The following ZNF474 variants were observed in gnomAD, a reference collection of about 807,000 sequenced individuals.
The protein encoded by ZNF474 is zinc finger protein 474.
For synonymous variants in ZNF474, 192 were observed against 162.2 expected (o/e 1.18, Z -1.39); for missense variants, 511 against 433.8 (o/e 1.18, Z -1.58).
In ZNF474 at chr5:122,152,736, T is replaced by C. The variant is rs114911542; in HGVS notation, c.746T>C (p.Met249Thr). The change falls in exon 2 of 2, where the codon ATG becomes ACG. Residue 249 changes from methionine (M) to threonine (T), a missense_variant. By Grantham distance (81) the Met-to-Thr change is moderately conservative. Coordinates refer to ENST00000296600, the MANE Select transcript of ZNF474 (RefSeq NM_207317.3). Reference protein sequence around the residue: ...HEPKCLEKWKMENDRLPVELH... With the variant: ...HEPKCLEKWKTENDRLPVELH... ...CCCAAATGCCTGGAAAAGTGGAAAA[T>C]GGAAAATGACCGGCTCCCTGTGGAG... 434 of 1,613,876 alleles carry C rather than the reference T, an allele frequency of 2.7e-4. 1 individual carries two copies. The African/African-American group carries it at 4.9e-3, about 18-fold the overall frequency.
In ZNF474 at chr5:122,153,447, A is replaced by C. The variant is rs567881534; in HGVS notation, c.*362A>C. ...TATTGTCGGTTTATTTTAGTCATCT[A>C]CCTTAGGAATTCATTTTTGGCAATG... On this transcript the variant is annotated 3_prime_UTR_variant, in exon 2 of 2. Transcript: ENST00000296600. 3 of 210,414 alleles carry C rather than the reference A, an allele frequency of 1.4e-5. No individual in the cohort carries two copies. The highest frequency in any genetic ancestry group is 1.1e-4 in the Admixed American group (2 of 18,430). The allele number at this position is 210,414 out of a possible 1,614,324, so 13.0% of individuals were successfully genotyped here. A position where few individuals can be genotyped will look rare whatever the true frequency, so the allele number is the denominator to read the frequency against.
intron 1 of ZNF474, among the ~76,000 whole-genome samples, chr5:122,150,326 C>T (rs1241006592): frequency 6.6e-6 from 1 of 152,162 alleles, no homozygotes; most frequent in Non-Finnish European, 1.5e-5. Flanking sequence ...TAGAATCTGT[C>T]AAAATGAAGA....
Position 122,152,283 on chromosome 5 carries a change from A to G in ZNF474, c.293A>G (p.Tyr98Cys), listed in dbSNP as rs760104498. The G allele has an allele frequency of 3.7e-6, 6 of 1,614,072 alleles. No homozygotes were observed. In the South Asian group the frequency reaches 4.4e-5, roughly 12 times the overall value. The change falls in exon 2 of 2, where the codon TAT (tyrosine) becomes TGT (cysteine). Residue 98 changes from tyrosine (Y) to cysteine (C), a missense_variant. Physicochemically the swap from Tyr to Cys is radical, Grantham distance 194. Coordinates refer to ENST00000296600, the MANE Select transcript of ZNF474 (RefSeq NM_207317.3). ...CGCAGGCCTGGATTCCGGGTATGCT[A>G]TATCTGTGGCCGAGAATTTGGGTCC... ...PARRPGFRVC[Y>C]ICGREFGSQS...
chr5:122,150,629 T>C (rs140237185), intron 1 of ZNF474, among the ~76,000 whole-genome samples: 2 of 152,252 alleles, frequency 1.3e-5, no homozygotes, highest in African/African-American at 4.8e-5. Flanking sequence ...ATAAAGGAAA[T>C]GAAAAAGGTC....
chr5:122,137,418 G>T (rs1384971125), intron 1 of ZNF474, among the ~76,000 whole-genome samples: 6 of 117,010 alleles, frequency 5.1e-5, no homozygotes, highest in Admixed American at 1.2e-4. Context: ...CTGCACTTCA[G>T]CCTGGGTGAC....
chr5:122,151,883 G>A lies in ZNF474; in HGVS notation c.-108G>A, dbSNP rs183394565. 348 of 1,373,400 alleles carry A rather than the reference G, an allele frequency of 2.5e-4. 2 individuals carry two copies. The highest frequency in any genetic ancestry group is 1.7e-3 in the African/African-American group (118 of 68,998). The allele number at this position is 1,373,400 out of a possible 1,614,324, so 85.1% of individuals were successfully genotyped here. On this transcript the variant is annotated 5_prime_UTR_variant, in exon 2 of 2. Coordinates refer to ENST00000296600, the MANE Select transcript of ZNF474 (RefSeq NM_207317.3). ...TCTGTGAGGCTAAGGTACTGGCAAC[G>A]GTGTGAACCCCAGGACAACTAACCT... is the stretch of plus-strand genomic sequence containing the variant.
At chr5:122,138,619 C>A in intron 1 of ZNF474, among the ~76,000 whole-genome samples, 1 of 152,176 alleles carries the variant, frequency 6.6e-6, no homozygotes, top group East Asian at 1.9e-4. Flanking sequence ...ACCATATGAC[C>A]TAGTTACAAT....
chr5:122,132,383 T>G (rs990260573), intron 1 of ZNF474, among the ~76,000 whole-genome samples: 1 of 152,226 alleles, frequency 6.6e-6, no homozygotes, highest in Admixed American at 6.5e-5. Context: ...AATTTAACTT[T>G]ATAAAGTTAA....
intron 1 of ZNF474, 71 bp from the exon 2 acceptor site, chr5:122,151,708 T>TCTG (rs1554065523): frequency 4.3e-6 from 1 of 231,312 alleles, no homozygotes; most frequent in Non-Finnish European, 8.0e-6. Context: ...AACCTAAATG[T>TCTG]GTGTGTGTGT....
At chr5:122,142,741 A>G (rs1314668279) in intron 1 of ZNF474, among the ~76,000 whole-genome samples, 1 of 152,204 alleles carries the variant, frequency 6.6e-6, no homozygotes, top group Admixed American at 6.5e-5. Flanking sequence ...ATGGTATGAC[A>G]ATCATATTTT....
At chr5:122,140,022 T>A (rs999793511) in intron 1 of ZNF474, among the ~76,000 whole-genome samples, 13 of 152,172 alleles carry the variant, frequency 8.5e-5, no homozygotes, top group African/African-American at 3.1e-4. Context: ...TGGAATTCTC[T>A]GAAAAGTTTG....
intron 1 of ZNF474, among the ~76,000 whole-genome samples, chr5:122,135,901 T>C (rs1212250103): frequency 1.3e-5 from 2 of 151,918 alleles, no homozygotes; most frequent in African/African-American, 2.4e-5. Context: ...AGAAGGACAG[T>C]AGAACATGTT....
intron 1 of ZNF474, among the ~76,000 whole-genome samples, chr5:122,130,445 A>C (rs922342395): frequency 4.6e-5 from 7 of 152,050 alleles, no homozygotes; most frequent in South Asian, 2.1e-4. Flanking sequence ...TATATATTAT[A>C]TTGTCAGACT....
chr5:122,139,588 A>AT (rs1755784889), intron 1 of ZNF474, among the ~76,000 whole-genome samples: 1 of 152,106 alleles, frequency 6.6e-6, no homozygotes, highest in South Asian at 2.1e-4. Flanking sequence ...CATTCTGTGT[A>AT]TTTTTTCCAT....
At position 122,146,641 on chromosome 5, in the gene ZNF474, G is replaced by C. The variant is rs79434028; in HGVS notation, c.-212-5138G>C. Reference sequence around the variant, plus strand: ...CTCAATTAGTATTAGGTTTCCATGTGAATAACAGACTCTTAAAAATGGCTA... The same window carrying C: ...CTCAATTAGTATTAGGTTTCCATGTCAATAACAGACTCTTAAAAATGGCTA... On this transcript the variant is annotated intron_variant, in intron 1 of 1. Transcript: ENST00000296600. Among the ~76,000 whole-genome samples, 78 of 152,184 alleles carry C rather than the reference G, an allele frequency of 5.1e-4. No individual in the cohort carries two copies. The East Asian group carries it at 0.011, about 21-fold the overall frequency.
chr5:122,134,876 A>G (rs897290552), intron 1 of ZNF474, among the ~76,000 whole-genome samples: 2 of 152,214 alleles, frequency 1.3e-5, no homozygotes, highest in African/African-American at 4.8e-5. Context: ...CAAATCTAAA[A>G]CATAAAACTA....
At position 122,136,080 on chromosome 5, in the gene ZNF474, C is replaced by T. The variant is rs572994520; in HGVS notation, c.-213+6397C>T. The stretch of plus-strand genomic sequence containing the variant: ...TAAGACGTAATGTTCAGGAGCATAA[C>T]AGGGCAACTATAGTTAAAAATAAGC... On this transcript the variant is annotated intron_variant, in intron 1 of 1. Coordinates refer to ENST00000296600, the MANE Select transcript of ZNF474 (RefSeq NM_207317.3). 2.3e-3 allele frequency among the ~76,000 whole-genome samples: 356 copies of T among 152,104 alleles called. 2 individuals carry two copies. The highest frequency in any genetic ancestry group is 8.1e-3 in the African/African-American group (335 of 41,516).
At chr5:122,137,035 A>G (rs1362564331) in intron 1 of ZNF474, among the ~76,000 whole-genome samples, 10 of 152,196 alleles carry the variant, frequency 6.6e-5, no homozygotes, top group Admixed American at 4.6e-4. Context: ...AACAGACAAA[A>G]ACATAGGTGC....
chr5:122,150,758 G>T (rs1473943511), intron 1 of ZNF474, among the ~76,000 whole-genome samples: 2 of 152,094 alleles, frequency 1.3e-5, no homozygotes, highest in Non-Finnish European at 2.9e-5. Flanking sequence ...TATCTAAGCT[G>T]CCACTTCTTC....
Sources: gnomAD v4.1 joint callset for allele counts (sites outside exome capture counted in the v4.1 genomes callset) on GRCh38, gnomAD v4.1.1 for gene constraint, MANE v1.5 for transcripts, NCBI Gene and HGNC (gene_info 2026-07-23, HGNC 2026-07-21) for gene names.